The following DHRS12 variants were observed in gnomAD, a reference collection of about 807,000 sequenced individuals.
DHRS12 encodes the protein dehydrogenase/reductase 12.
In DHRS12, 29 loss-of-function variants were observed where a neutral mutation model predicts 32.1. The observed-to-expected ratio is 0.90, with a 90% CI of 0.67 to 1.23. The LOEUF (loss-of-function observed/expected upper bound fraction) is 1.23. DHRS12 is among the 50% of genes most tolerant of loss of function. The pLI, the probability that DHRS12 is intolerant of heterozygous loss-of-function variation, is 0.00. For missense variants in DHRS12, 330 were observed against 337.2 expected (o/e 0.98, Z 0.17); for synonymous variants, 150 against 135.9 (o/e 1.10, Z -0.72).
At chr13:51,761,498 T>G in the DHRS12 span, 1 of 152,208 alleles carries the variant, frequency 6.6e-6, no homozygotes, top group Non-Finnish European at 1.5e-5. Flanking sequence ...GGCCAATTGC[T>G]TGTCCTTCCC....
At chr13:51,789,334 C>G (rs145278768) in intron 4 of DHRS12, among the ~76,000 whole-genome samples, 2 of 152,262 alleles carry the variant, frequency 1.3e-5, no homozygotes, top group Non-Finnish European at 2.9e-5. Flanking sequence ...AGGAGAAACT[C>G]CAAGGAGACT....
chr13:51,759,761 G>A, the DHRS12 span: 9 of 1,613,676 alleles, frequency 5.6e-6, no homozygotes, highest in African/African-American at 1.3e-5. Context: ...GACCCCAGTC[G>A]TGTCTTGATG....
intron 4 of DHRS12, 80 bp from the exon 5 acceptor site, chr13:51,777,201 T>G (rs1954471664): frequency 6.5e-7 from 1 of 1,535,188 alleles, no homozygotes; most frequent in African/African-American, 1.4e-5. Flanking sequence ...ATGTGGGGAC[T>G]GTCTGCCCGC....
chr13:51,779,841 G>A (rs1415725105), intron 4 of DHRS12, among the ~76,000 whole-genome samples: 1 of 152,102 alleles, frequency 6.6e-6, no homozygotes, highest in Non-Finnish European at 1.5e-5. Flanking sequence ...GTCTCAGTTA[G>A]GAAGTCCACC....
At chr13:51,801,097 G>C (rs1955733964) in intron 1 of DHRS12, among the ~76,000 whole-genome samples, 1 of 152,168 alleles carries the variant, frequency 6.6e-6, no homozygotes, top group African/African-American at 2.4e-5. Context: ...GGAATAATAA[G>C]AGATACCTCT....
chr13:51,776,684 G>C (rs184192675), intron 5 of DHRS12, among the ~76,000 whole-genome samples: 2,275 of 152,250 alleles, frequency 0.015, 19 homozygotes, highest in Non-Finnish European at 0.023. Context: ...CAACCCGCTG[G>C]GGGAGAACAG....
intron 7 of DHRS12, chr13:51,771,525 T>G: frequency 6.2e-7 from 1 of 1,612,936 alleles, no homozygotes; most frequent in Non-Finnish European, 8.5e-7. Flanking sequence ...GGTCACCGGC[T>G]CCCTCTCTCA....
intron 5 of DHRS12, among the ~76,000 whole-genome samples, chr13:51,776,857 G>C (rs1487252066): frequency 6.6e-6 from 1 of 152,094 alleles, no homozygotes; most frequent in Non-Finnish European, 1.5e-5. Context: ...TCGGGGGTTG[G>C]GGGGGTTCAG....
intron 6 of DHRS12, among the ~76,000 whole-genome samples, chr13:51,772,155 G>A (rs1000633303): frequency 6.6e-6 from 1 of 152,142 alleles, no homozygotes; most frequent in Non-Finnish European, 1.5e-5. Context: ...AACACTGAGA[G>A]AGAAGGAATA....
intron 2 of DHRS12, among the ~76,000 whole-genome samples, chr13:51,795,525 C>A (rs1006005453): frequency 1.3e-5 from 2 of 152,150 alleles, no homozygotes; most frequent in Admixed American, 6.6e-5. Flanking sequence ...CTAACAGACA[C>A]CTCTTTCAAC....
the DHRS12 span, chr13:51,756,424 G>A: frequency 3.1e-6 from 5 of 1,613,926 alleles, no homozygotes; most frequent in East Asian, 2.2e-5. Flanking sequence ...TTGAAGTGAG[G>A]GTCTGTGACA....
At chr13:51,799,010 G>A (rs974747697) in intron 2 of DHRS12, among the ~76,000 whole-genome samples, 1 of 152,206 alleles carries the variant, frequency 6.6e-6, no homozygotes, top group African/African-American at 2.4e-5. Context: ...GGCTGCTCTA[G>A]CCCTGGAGGC....
chr13:51,764,667 A>G (rs1214081766), downstream of DHRS12: 3 of 152,220 alleles, frequency 2.0e-5, no homozygotes, highest in Non-Finnish European at 2.9e-5. Flanking sequence ...TGCTACTATT[A>G]GTTTATATTA....
the DHRS12 span, among the ~76,000 whole-genome samples, chr13:51,756,060 C>T: frequency 5.9e-5 from 9 of 152,204 alleles, no homozygotes; most frequent in Middle Eastern, 3.4e-3. Context: ...CTCTGTAGTT[C>T]CTAGTATGAT....
Position 51,797,869 on chromosome 13 carries a change from G to C in DHRS12, c.126+1665C>G, listed in dbSNP as rs1241900095. On this transcript the variant is annotated intron_variant, in intron 2 of 8. Transcript: ENST00000444610. ...GATGATCTCACCCCTGGCATCTTCT[G>C]CTGGGGCTTGATCTCGACAAACCAG... is the stretch of plus-strand genomic sequence containing the variant. The C allele has an allele frequency of 2.6e-6, 4 of 1,535,762 alleles. No individual in the cohort carries two copies. In the East Asian group the frequency reaches 9.8e-5, roughly 38 times the overall value.
chr13:51,768,941 G>A, intron 8 of DHRS12: 1 of 1,399,864 alleles, frequency 7.1e-7, no homozygotes, highest in Admixed American at 3.3e-5. Context: ...TGATGACAGG[G>A]TTATCACAAG....
the DHRS12 span, among the ~76,000 whole-genome samples, chr13:51,757,225 A>T: frequency 6.6e-6 from 1 of 152,142 alleles, no homozygotes; most frequent in Non-Finnish European, 1.5e-5. Flanking sequence ...ATTTATGTTC[A>T]TTGATTATTT....
rs1566283848 is a variant in DHRS12 at position 51,777,353 on chromosome 13, A to G, written c.302-232T>C. The G allele has an allele frequency of 7.1e-6, 4 of 561,544 alleles. No homozygotes were observed. In the East Asian group the frequency reaches 1.2e-4, roughly 16 times the overall value. 34.8% of individuals were successfully genotyped at this position (561,544 alleles called of 1,614,324 possible). On this transcript the variant is annotated intron_variant, in intron 4 of 8. Coordinates refer to ENST00000444610, the MANE Select transcript of DHRS12 (RefSeq NM_001377533.1). The stretch of plus-strand genomic sequence containing the variant: ...TGTACCGACAGGAAAAGATGTCCAC[A>G]CTACAGGAATACAGGAAGGGAAAAA...
At chr13:51,756,237 A>T in the DHRS12 span, 2,391 of 1,506,522 alleles carry the variant, frequency 1.6e-3, 3 homozygotes, top group Middle Eastern at 3.1e-3. Context: ...ACCTGGATGC[A>T]GTTGATTACA....
Sources: gnomAD v4.1 joint callset for allele counts (sites outside exome capture counted in the v4.1 genomes callset) on GRCh38, gnomAD v4.1.1 for gene constraint, MANE v1.5 for transcripts, NCBI Gene and HGNC (gene_info 2026-07-23, HGNC 2026-07-21) for gene names.